ADGRV1: variants seen among roughly 807,000 people sequenced by gnomAD.
The protein encoded by ADGRV1 is adhesion G protein-coupled receptor V1, also known as G-protein coupled receptor 98.
ADGRV1 carries 359 observed loss-of-function variants against 596.2 expected under a neutral mutation model. That is an observed-to-expected ratio of 0.60 (90% CI 0.55 to 0.66). The LOEUF (loss-of-function observed/expected upper bound fraction) is 0.66, where lower values mean the gene tolerates loss of function less well. ADGRV1 is among the 30% of genes least tolerant of loss of function. The probability of loss-of-function intolerance (pLI) is 0.00; values close to 1 mark genes in which losing one functional copy is unlikely to be tolerated. For missense variants in ADGRV1, 7,274 were observed against 7,575.6 expected, an observed-to-expected ratio of 0.96 and a Z score of 1.48; for synonymous variants, 2,681 against 2,679.2, an observed-to-expected ratio of 1.00 and a Z score of -0.02.
intron 70 of ADGRV1, chr5:90,791,842 G>A (rs1456642237): frequency 6.5e-6 from 1 of 153,662 alleles, no homozygotes; most frequent in Non-Finnish European, 1.4e-5. Context: ...ATGGTAATGA[G>A]GAGAAATCAT....
intron 57 of ADGRV1, among the ~76,000 whole-genome samples, chr5:90,758,230 G>A (rs114946693): frequency 0.012 from 1,793 of 152,150 alleles, 38 homozygotes; most frequent in African/African-American, 0.041. Flanking sequence ...CTATTCCGGC[G>A]ACTGAGGCAG....
chr5:90,694,680 G>A lies in ADGRV1; in HGVS notation c.7924G>A (p.Glu2642Lys), dbSNP rs1210717057. The part of the protein sequence containing the change: ...TEGLDFIGAG[E>K]ILTFAEGETK... The stretch of plus-strand genomic sequence containing the variant: ...AGGTTTAGATTTTATAGGTGCTGGA[G>A]AGATTCTGACCTTTGCTGAAGGTGA... Residue 2642 changes from glutamate to lysine, a missense_variant, in exon 33 of 90, where the codon GAG becomes AAG. By Grantham distance (56) the Glu-to-Lys change is moderately conservative. Around this residue, in one of 5 missense-constraint regions of ADGRV1, gnomAD observed 3,643 missense variants for 3,809.2 expected, o/e 0.96. Transcript: ENST00000405460. The A allele has an allele frequency of 6.3e-7, 1 of 1,595,466 alleles. No homozygotes were observed. The highest frequency in any genetic ancestry group is 1.7e-5 in the Admixed American group (1 of 58,534).
chr5:91,135,969 G>A (rs969351769), intron 87 of ADGRV1, among the ~76,000 whole-genome samples: 1 of 152,140 alleles, frequency 6.6e-6, no homozygotes, highest in Admixed American at 6.6e-5. Context: ...GAGCAGCAGA[G>A]GGAACCACAA....
intron 85 of ADGRV1, among the ~76,000 whole-genome samples, chr5:91,060,755 A>C (rs1028863973): frequency 6.6e-6 from 1 of 152,192 alleles, no homozygotes; most frequent in African/African-American, 2.4e-5. Flanking sequence ...CTGAATGTTC[A>C]CCCCTGCAGG....
At chr5:90,855,022 A>C (rs1766890808) in intron 81 of ADGRV1, among the ~76,000 whole-genome samples, 2 of 152,176 alleles carry the variant, frequency 1.3e-5, no homozygotes, top group African/African-American at 4.8e-5. Context: ...TTAATAATGA[A>C]TGTTTCAAGC....
chr5:90,941,686 A>C (rs1233189387), intron 83 of ADGRV1, among the ~76,000 whole-genome samples: 4 of 152,212 alleles, frequency 2.6e-5, no homozygotes, highest in African/African-American at 9.6e-5. Context: ...TTGAAGATTC[A>C]GCAACTTTAG....
At chr5:90,731,575 G>T (rs1319158946) in intron 50 of ADGRV1, among the ~76,000 whole-genome samples, 1 of 152,142 alleles carries the variant, frequency 6.6e-6, no homozygotes, top group Non-Finnish European at 1.5e-5. Context: ...TATGAGCAAA[G>T]GAGAAAGGCA....
At chr5:90,902,613 G>T (rs896548525) in intron 83 of ADGRV1, among the ~76,000 whole-genome samples, 1 of 152,214 alleles carries the variant, frequency 6.6e-6, no homozygotes, top group East Asian at 1.9e-4. Flanking sequence ...GGCAATTGTT[G>T]TCTTACTTGT....
Position 90,587,235 on chromosome 5 carries a change from C to T in ADGRV1, c.23-27600C>T, listed in dbSNP as rs577499993. 1.1e-3 allele frequency among the ~76,000 whole-genome samples: 174 copies of T among 152,268 alleles called. 1 individual carries two copies. The highest frequency in any genetic ancestry group is 4.0e-3 in the African/African-American group (166 of 41,560). On this transcript the variant is annotated intron_variant, in intron 1 of 89. Coordinates refer to ENST00000405460, the MANE Select transcript of ADGRV1 (RefSeq NM_032119.4). ...TCTCTTGTGACGTGACCCCATTACT[C>T]TTACCTGGTTTCCTTGCTCAAGATG...
intron 75 of ADGRV1, among the ~76,000 whole-genome samples, chr5:90,820,694 T>C (rs1392285948): frequency 6.6e-6 from 1 of 150,702 alleles, no homozygotes; most frequent in Non-Finnish European, 1.5e-5. Flanking sequence ...TGGCTGGATA[T>C]GAAATTCTGG....
At chr5:90,926,799 C>G (rs1400681644) in intron 83 of ADGRV1, among the ~76,000 whole-genome samples, 43 of 150,712 alleles carry the variant, frequency 2.9e-4, no homozygotes, top group African/African-American at 9.5e-4. Context: ...CTACACACTG[C>G]TTTGAATGCG....
chr5:90,937,583 A>G (rs927477462), intron 83 of ADGRV1, among the ~76,000 whole-genome samples: 265 of 150,330 alleles, frequency 1.8e-3, no homozygotes, highest in African/African-American at 6.0e-3. Flanking sequence ...TCAGCCTCCC[A>G]AGTAGCTGGG....
chr5:91,094,941 C>T (rs1004661779), intron 86 of ADGRV1, among the ~76,000 whole-genome samples: 4 of 152,116 alleles, frequency 2.6e-5, no homozygotes, highest in Non-Finnish European at 4.4e-5. Context: ...AAGAACCTGG[C>T]ACATAATAAG....
At chr5:90,756,899 G>A in intron 56 of ADGRV1, 80 bp from the exon 57 acceptor site, 1 of 1,179,134 alleles carries the variant, frequency 8.5e-7, no homozygotes, top group South Asian at 1.6e-5. Context: ...AGAAAGTTAA[G>A]TAGAAACAAT....
intron 1 of ADGRV1, among the ~76,000 whole-genome samples, chr5:90,607,124 G>A (rs1488308594): frequency 6.6e-6 from 1 of 152,138 alleles, no homozygotes; most frequent in Non-Finnish European, 1.5e-5. Context: ...AAAGGAAGGC[G>A]AGAGGAAACA....
intron 85 of ADGRV1, among the ~76,000 whole-genome samples, chr5:91,068,754 C>T (rs370073358): frequency 5.9e-5 from 9 of 151,622 alleles, no homozygotes; most frequent in Non-Finnish European, 1.3e-4. Flanking sequence ...AAACTACCAA[C>T]ATCATTTTTC....
At chr5:90,800,376 A>G (rs926956537) in intron 70 of ADGRV1, among the ~76,000 whole-genome samples, 18 of 152,204 alleles carry the variant, frequency 1.2e-4, no homozygotes, top group African/African-American at 4.3e-4. Flanking sequence ...ACAATGAGAT[A>G]CTATCTCACA....
rs1745281472 is a variant in ADGRV1, at chr5:90,683,999, T to G, written c.6078T>G (p.Tyr2026Ter). The G allele has an allele frequency of 1.2e-6, 2 of 1,613,830 alleles. No individual in the cohort carries two copies. The highest frequency in any genetic ancestry group is 1.7e-5 in the Admixed American group (1 of 59,992). Reference sequence around the variant, plus strand: ...TAGATGATATGGAAAAACCACCTTATTTTCCACCTAATTTAGCGAGAGCAA... The same window carrying G: ...TAGATGATATGGAAAAACCACCTTAGTTTCCACCTAATTTAGCGAGAGCAA... ...ATLDDMEKPP[Y>*]FPPNLARATQ... Residue 2026 changes from tyrosine to a stop codon, truncating the protein, a stop_gained, in exon 28 of 90, where the codon TAT (tyrosine) becomes TAG (stop). Transcript: ENST00000405460. LOFTEE classifies it high-confidence loss of function.
intron 84 of ADGRV1, among the ~76,000 whole-genome samples, chr5:90,982,285 G>A (rs886583284): frequency 6.6e-6 from 1 of 152,108 alleles, no homozygotes; most frequent in Non-Finnish European, 1.5e-5. Context: ...CTATGGTAAC[G>A]TTGGTTTCAT....
Sources: allele counts gnomAD v4.1 joint callset (sites outside exome capture counted in the v4.1 genomes callset), GRCh38; gene constraint gnomAD v4.1.1; regional missense constraint gnomAD v4.1.1; transcripts MANE v1.5; gene names NCBI Gene and HGNC (gene_info 2026-07-23, HGNC 2026-07-21).